Variants in MAP2K5 observed in about 807,000 individuals in gnomAD.
The protein encoded by MAP2K5 is dual specificity mitogen-activated protein kinase kinase 5.
In MAP2K5, 49 loss-of-function variants were observed where a neutral mutation model predicts 83.1. That is an observed-to-expected ratio of 0.59 (90% CI 0.47 to 0.75). The LOEUF (loss-of-function observed/expected upper bound fraction) is 0.75. Ranked by LOEUF, MAP2K5 falls within the 30% of genes least tolerant of loss-of-function variation. MAP2K5 has a pLI of 0.00. For synonymous variants in MAP2K5, 202 were observed against 191.8 expected (o/e 1.05, Z -0.44); for missense variants, 457 against 557.5 (o/e 0.82, Z 1.82).
At position 67,708,838 on chromosome 15, in the gene MAP2K5, T is replaced by A. The variant is rs547438392; in HGVS notation, c.1044+5430T>A. Among the ~76,000 whole-genome samples, 3 of 152,310 alleles carry A rather than the reference T, an allele frequency of 2.0e-5. No individual in the cohort carries two copies. In the East Asian group the frequency reaches 5.8e-4, roughly 29 times the overall value. ...ACTCACTGACAGGTACATTTATGCCTTAAGCAAAGAAACTTTAATATCAGA... is the reference window on the plus strand; with the variant it reads ...ACTCACTGACAGGTACATTTATGCCATAAGCAAAGAAACTTTAATATCAGA... On this transcript the variant is annotated intron_variant, in intron 16 of 21. Coordinates refer to ENST00000178640, the MANE Select transcript of MAP2K5 (RefSeq NM_145160.3). The surrounding 1 kb of genome is among the most constrained non-coding windows in gnomAD (Gnocchi z 4.9).
At position 67,722,108 on chromosome 15, in the gene MAP2K5, GTAA is replaced by G. The variant is rs1306640858; in HGVS notation, c.1045-5803_1045-5801del. 6.6e-6 allele frequency among the ~76,000 whole-genome samples: 1 copy of G among 152,184 alleles called. No individual in the cohort carries two copies. The highest frequency in any genetic ancestry group is 1.5e-5 in the Non-Finnish European group (1 of 68,030). On this transcript the variant is annotated intron_variant, in intron 16 of 21. Coordinates refer to ENST00000178640, the MANE Select transcript of MAP2K5 (RefSeq NM_145160.3). The surrounding 1 kb of genome is among the most constrained non-coding windows in gnomAD (Gnocchi z 4.2). ...GTTTCTGTTAGGCCTGATGGTGTTA[GTAA>G]TAATCCTCTTCCTCATAGTTCTAGA...
intron 7 of MAP2K5, among the ~76,000 whole-genome samples, chr15:67,594,591 G>T (rs1384091601): frequency 6.6e-6 from 1 of 152,114 alleles, no homozygotes; most frequent in Non-Finnish European, 1.5e-5. Context: ...AAAATAAGCA[G>T]TCTCATAATG....
At chr15:67,654,247 C>T (rs1358229792) in intron 11 of MAP2K5, among the ~76,000 whole-genome samples, 1 of 152,102 alleles carries the variant, frequency 6.6e-6, no homozygotes, top group African/African-American at 2.4e-5. Context: ...GTTATATCTT[C>T]TTGGTTGATT....
chr15:67,554,705 G>A (rs1399438547), intron 2 of MAP2K5, among the ~76,000 whole-genome samples: 3 of 152,120 alleles, frequency 2.0e-5, no homozygotes, highest in Non-Finnish European at 4.4e-5. Context: ...ATTACATTTT[G>A]AGTCACTTAG....
intron 8 of MAP2K5, chr15:67,628,827 G>A (rs1316538823): frequency 2.0e-5 from 15 of 749,744 alleles, no homozygotes; most frequent in African/African-American, 8.5e-5. Flanking sequence ...GGTCATGGAC[G>A]AAACTTCAGT....
At chr15:67,762,565 C>CAAAAAAAAAAAAAAAAAAA (rs5813455) in intron 19 of MAP2K5, among the ~76,000 whole-genome samples, 1 of 119,872 alleles carries the variant, frequency 8.3e-6, no homozygotes, top group Admixed American at 9.1e-5. Flanking sequence ...AAATGACAGA[C>CAAAAAAAAAAAAAAAAAAA]AAAAAAAAAA....
intron 10 of MAP2K5, 33 bp downstream of exon 10, chr15:67,646,332 T>A (rs374490895): frequency 3.6e-6 from 5 of 1,395,692 alleles, no homozygotes; most frequent in Non-Finnish European, 3.0e-6. Context: ...TTGTAAAGCA[T>A]GCCTATGGTA....
At chr15:67,730,565 G>A (rs1266624560) in intron 17 of MAP2K5, among the ~76,000 whole-genome samples, 1 of 152,202 alleles carries the variant, frequency 6.6e-6, no homozygotes, top group African/African-American at 2.4e-5. Flanking sequence ...CCAGTGACAA[G>A]AAACTCACTA....
intron 17 of MAP2K5, among the ~76,000 whole-genome samples, chr15:67,730,511 T>G (rs1352462433): frequency 1.3e-5 from 2 of 152,210 alleles, no homozygotes; most frequent in Non-Finnish European, 2.9e-5. Context: ...CAAACTTCTC[T>G]ACAATGTCTC....
At chr15:67,624,770 C>T (rs1170917767) in intron 8 of MAP2K5, among the ~76,000 whole-genome samples, 1 of 144,120 alleles carries the variant, frequency 6.9e-6, no homozygotes, top group Non-Finnish European at 1.5e-5. Flanking sequence ...GCTGGGATTA[C>T]AGGCATCCGC....
intron 9 of MAP2K5, among the ~76,000 whole-genome samples, chr15:67,635,889 T>C (rs1030570994): frequency 1.3e-4 from 20 of 152,230 alleles, no homozygotes; most frequent in Non-Finnish European, 2.8e-4. Flanking sequence ...CAAGACTTTT[T>C]CTTTATCACT....
chr15:67,682,647 T>A (rs1253431330), intron 13 of MAP2K5, among the ~76,000 whole-genome samples: 4 of 150,296 alleles, frequency 2.7e-5, no homozygotes, highest in Non-Finnish European at 5.9e-5. Flanking sequence ...TCCTGGCTAA[T>A]ATGGTGAAAC....
chr15:67,619,181 T>C (rs555729614), intron 8 of MAP2K5, among the ~76,000 whole-genome samples: 1 of 152,288 alleles, frequency 6.6e-6, no homozygotes, highest in Admixed American at 6.5e-5. Context: ...TGTGCCCCCA[T>C]ACTGCTCACA....
At chr15:67,557,654 A>C (rs1337720499) in intron 2 of MAP2K5, among the ~76,000 whole-genome samples, 3 of 152,184 alleles carry the variant, frequency 2.0e-5, no homozygotes, top group African/African-American at 7.2e-5. Context: ...TTAAAGCTAA[A>C]TTGCAATTCT....
chr15:67,727,257 TG>T, intron 16 of MAP2K5, among the ~76,000 whole-genome samples: 1 of 152,342 alleles, frequency 6.6e-6, no homozygotes, highest in East Asian at 1.9e-4. Flanking sequence ...TGGATCATTT[TG>T]TTTTTACAGG....
intron 8 of MAP2K5, among the ~76,000 whole-genome samples, chr15:67,623,302 G>C (rs2086229358): frequency 6.6e-6 from 1 of 152,192 alleles, no homozygotes; most frequent in South Asian, 2.1e-4. Context: ...TAGTGGGCAA[G>C]AGATAAACAT....
rs2090280876 is a variant in MAP2K5, at chr15:67,778,866, C to T, written c.1242+6114C>T. ...ATAGCCCCCTTAGAGAGTGCTCATC[C>T]ACCCTGTGCTTGCAAAAATCTAAGC... is the stretch of plus-strand genomic sequence containing the variant. On this transcript the variant is annotated intron_variant, in intron 21 of 21. Coordinates refer to ENST00000178640, the MANE Select transcript of MAP2K5 (RefSeq NM_145160.3). The surrounding 1 kb of genome is among the most constrained non-coding windows in gnomAD (Gnocchi z 5.0). 6.6e-6 allele frequency among the ~76,000 whole-genome samples: 1 copy of T among 152,136 alleles called. No individual in the cohort carries two copies. Among genetic ancestry groups the T allele is most frequent in the Admixed American group, 6.5e-5 (1 of 15,276 alleles).
At chr15:67,735,038 A>G (rs1566946393) in intron 17 of MAP2K5, among the ~76,000 whole-genome samples, 1 of 152,254 alleles carries the variant, frequency 6.6e-6, no homozygotes, top group Non-Finnish European at 1.5e-5. Context: ...AATCAGATTT[A>G]TATTCCATAA....
At chr15:67,604,570 A>G (rs113785879) in intron 8 of MAP2K5, among the ~76,000 whole-genome samples, 32 of 152,250 alleles carry the variant, frequency 2.1e-4, no homozygotes, top group African/African-American at 7.7e-4. Context: ...CTTATGCCTC[A>G]GTTTTCCCAT....
Sources: gnomAD v4.1 joint callset for allele counts (sites outside exome capture counted in the v4.1 genomes callset) on GRCh38, gnomAD v4.1.1 for gene constraint, Gnocchi (gnomAD v3.1) non-coding constraint, MANE v1.5 for transcripts, NCBI Gene and HGNC (gene_info 2026-07-23, HGNC 2026-07-21) for gene names.